The following HEY2 variants were observed in gnomAD, a reference collection of about 807,000 sequenced individuals.
HEY2 encodes the protein hairy/enhancer-of-split related with YRPW motif protein 2.
HEY2 carries 10 observed loss-of-function variants against 18.1 expected under a neutral mutation model. That is an observed-to-expected ratio of 0.55 (90% CI 0.34 to 0.94). The LOEUF is 0.94. HEY2 is among the 40% of genes least tolerant of loss of function. The pLI is 0.02. For missense variants in HEY2, 455 were observed against 455.9 expected (o/e 1.00, Z 0.02); for synonymous variants, 210 against 182.7 (o/e 1.15, Z -1.21).
At chr6:125,755,994 T>C (rs1281092786) in intron 4 of HEY2, among the ~76,000 whole-genome samples, 1 of 152,210 alleles carries the variant, frequency 6.6e-6, no homozygotes, top group Non-Finnish European at 1.5e-5. Flanking sequence ...GAAAATTTGT[T>C]TGATTGCTTT....
At chr6:125,750,500 AG>A (rs1397492745) in intron 1 of HEY2, 2 of 705,404 alleles carry the variant, frequency 2.8e-6, no homozygotes, top group African/African-American at 3.8e-5. Flanking sequence ...GAGATTACCG[AG>A]GCATTTTAGA....
intron 3 of HEY2, among the ~76,000 whole-genome samples, chr6:125,754,081 C>T (rs943937408): frequency 3.3e-5 from 5 of 152,118 alleles, no homozygotes; most frequent in African/African-American, 9.7e-5. Flanking sequence ...TAGACTTTGG[C>T]TTTATAGAAG....
At chr6:125,752,794 G>A (rs1583188275) in intron 3 of HEY2, among the ~76,000 whole-genome samples, 1 of 152,192 alleles carries the variant, frequency 6.6e-6, no homozygotes, top group South Asian at 2.1e-4. Context: ...TCCCCCTGCC[G>A]CAGTGGTTAA....
In HEY2 at chr6:125,759,714, T is replaced by C; in HGVS notation, c.926T>C (p.Val309Ala). ...ACAGCCATCAGCCCGCCCTTGTCAGTATCAGCCACGTCCAGTCCTCAGCAG... is the reference window on the plus strand; with the variant it reads ...ACAGCCATCAGCCCGCCCTTGTCAGCATCAGCCACGTCCAGTCCTCAGCAG... ...AATAISPPLSVSATSSPQQTS... is the reference protein window; with the variant it reads ...AATAISPPLSASATSSPQQTS... The change falls in exon 5 of 5, where the codon GTA becomes GCA. Residue 309 changes from valine (V) to alanine (A), a missense_variant. By Grantham distance (64) the Val-to-Ala change is moderately conservative. Transcript: ENST00000368364. 6.2e-7 allele frequency: 1 copy of C among 1,613,456 alleles called. No homozygotes were observed. Among genetic ancestry groups the C allele is most frequent in the East Asian group, 2.2e-5 (1 of 44,884 alleles).
chr6:125,754,668 G>A (rs1443444334), intron 4 of HEY2, 122 bp downstream of exon 4: 3 of 477,554 alleles, frequency 6.3e-6, no homozygotes, highest in Non-Finnish European at 1.1e-5. Context: ...TGAGATAGGA[G>A]GCCCCAGATT....
In HEY2 at chr6:125,760,242, T is replaced by G; in HGVS notation, c.*440T>G. On this transcript the variant is annotated 3_prime_UTR_variant, in exon 5 of 5. Transcript: ENST00000368364. ...GAAGTTTTCTTCTGGATATATAACATTGCACAAGGGAAGACGAGTGTGGAG... is the reference window on the plus strand; with the variant it reads ...GAAGTTTTCTTCTGGATATATAACAGTGCACAAGGGAAGACGAGTGTGGAG... The G allele has an allele frequency of 6.0e-6, 1 of 167,136 alleles. No homozygotes were observed. The highest frequency in any genetic ancestry group is 1.3e-5 in the Non-Finnish European group (1 of 76,738). The allele number at this position is 167,136 out of a possible 1,614,324, so 10.4% of individuals were successfully genotyped here.
chr6:125,750,061 G>C (rs1183104696), intron 1 of HEY2, among the ~76,000 whole-genome samples: 1 of 152,194 alleles, frequency 6.6e-6, no homozygotes, highest in Non-Finnish European at 1.5e-5. Context: ...TCACCGTAGG[G>C]GTGGAGTAGC....
rs149866534 is a variant in HEY2 at position 125,751,353 on chromosome 6, C to T, written c.84-448C>T. Among the ~76,000 whole-genome samples, 9 of 152,334 alleles carry T rather than the reference C, an allele frequency of 5.9e-5. No individual in the cohort carries two copies. In the East Asian group the frequency reaches 1.3e-3, roughly 23 times the overall value. ...GAGACAAGAGTTTGACGTATGACGA[C>T]TGCACATCTGTTTGATAGTGGTGCT... On this transcript the variant is annotated intron_variant, in intron 1 of 4. Transcript: ENST00000368364.
rs1773779146 is a variant in HEY2 at position 125,760,545 on chromosome 6, A to C, written c.*743A>C. On this transcript the variant is annotated 3_prime_UTR_variant, in exon 5 of 5. Transcript: ENST00000368364. ...CTGCTCTGCCTGCAGGCCCCCAGGC[A>C]CTTTTTTTTTTGGATGGCTCAAAAT... 1 of 151,694 alleles carries C rather than the reference A, an allele frequency of 6.6e-6. No individual in the cohort carries two copies. The highest frequency in any genetic ancestry group is 6.6e-5 in the Admixed American group (1 of 15,228). 9.4% of individuals were successfully genotyped at this position (151,694 alleles called of 1,614,324 possible).
rs374306977 is a variant in HEY2, at chr6:125,759,316, C to G, written c.528C>G (p.His176Gln). ...AAAMTSSMAH[H>Q]HHPLHPHHWA... ...CCATGACATCCTCCATGGCCCACCA[C>G]CATCATCCGCTCCACCCGCATCACT... The change falls in exon 5 of 5, where the codon CAC becomes CAG. Residue 176 changes from histidine (H) to glutamine (Q), a missense_variant. By Grantham distance (24) the His-to-Gln change is conservative. Transcript: ENST00000368364. 6.2e-7 allele frequency: 1 copy of G among 1,605,748 alleles called. No individual in the cohort carries two copies.
chr6:125,754,878 A>G (rs1773625360), intron 4 of HEY2, among the ~76,000 whole-genome samples: 1 of 152,184 alleles, frequency 6.6e-6, no homozygotes, highest in East Asian at 1.9e-4. Context: ...AACAAAAAAC[A>G]AACACACAAA....
At position 125,754,621 on chromosome 6, in the gene HEY2, T is replaced by A. The variant is rs537192271; in HGVS notation, c.328+75T>A. 3 of 754,208 alleles carry A rather than the reference T, an allele frequency of 4.0e-6. No individual in the cohort carries two copies. In the East Asian group the frequency reaches 8.0e-5, roughly 20 times the overall value. 46.7% of individuals were successfully genotyped at this position (754,208 alleles called of 1,614,324 possible). ...CTTTTCATGTTATTCCCCCTAATATTGTAAGGAAGTCATAGCTGAACAGTT... is the reference window on the plus strand; with the variant it reads ...CTTTTCATGTTATTCCCCCTAATATAGTAAGGAAGTCATAGCTGAACAGTT... On this transcript the variant is annotated intron_variant, in intron 4 of 4. Transcript: ENST00000368364.
At chr6:125,749,892 C>G in intron 1 of HEY2, 33 bp downstream of exon 1, 2 of 1,522,890 alleles carry the variant, frequency 1.3e-6, no homozygotes, top group Non-Finnish European at 1.8e-6. Flanking sequence ...CGGCCCGCAG[C>G]TCGGGAGCTT....
intron 4 of HEY2, among the ~76,000 whole-genome samples, chr6:125,756,235 C>T (rs7748729): frequency 0.55 from 83,498 of 151,960 alleles, 23,220 homozygotes; most frequent in East Asian, 0.75. Context: ...GACTGTCAGG[C>T]CATTGAAGAG....
At chr6:125,751,168 A>AT (rs762420046) in intron 1 of HEY2, among the ~76,000 whole-genome samples, 6 of 152,200 alleles carry the variant, frequency 3.9e-5, no homozygotes, top group Non-Finnish European at 7.4e-5. Context: ...TAGTAATAAA[A>AT]TGAGTTTTAA....
In HEY2 at chr6:125,759,786, A is replaced by G. The variant is rs1222079412; in HGVS notation, c.998A>G (p.Glu333Gly). The G allele has an allele frequency of 1.9e-6, 3 of 1,613,314 alleles. No homozygotes were observed. Among genetic ancestry groups the G allele is most frequent in the Non-Finnish European group, 2.5e-6 (3 of 1,179,878 alleles). Residue 333 changes from glutamate (E) to glycine (G), a missense_variant, in exon 5 of 5, where the codon GAA (glutamate) becomes GGA (glycine). Physicochemically the swap from Glu to Gly is moderately conservative, Grantham distance 98 (BLOSUM62 -2). Transcript: ENST00000368364. ...AAACCTTACCGACCCTGGGGGACAG[A>G]AGTTGGAGCTTTTTAAATTTTTCTT... ...NNKPYRPWGTEVGAF is the reference protein window; with the variant it reads ...NNKPYRPWGTGVGAF
At chr6:125,754,683 C>T (rs779854501) in intron 4 of HEY2, 137 bp downstream of exon 4, 15 of 445,896 alleles carry the variant, frequency 3.4e-5, no homozygotes, top group African/African-American at 8.1e-5. Flanking sequence ...CAGATTAAAG[C>T]CATGGAAATC....
At chr6:125,753,925 A>G (rs768276658) in intron 3 of HEY2, among the ~76,000 whole-genome samples, 4 of 152,198 alleles carry the variant, frequency 2.6e-5, no homozygotes, top group Middle Eastern at 3.2e-3. Flanking sequence ...TGCAGATCCA[A>G]TTATATGGTT....
Position 125,759,966 on chromosome 6 carries a change from T to A in HEY2, c.*164T>A. The A allele has an allele frequency of 1.5e-6, 1 of 653,392 alleles. No homozygotes were observed. Among genetic ancestry groups the A allele is most frequent in the Non-Finnish European group, 2.6e-6 (1 of 390,038 alleles). 40.5% of individuals were successfully genotyped at this position (653,392 alleles called of 1,614,324 possible). A position where few individuals can be genotyped will look rare whatever the true frequency, so the allele number is the denominator to read the frequency against. ...TCACGAGTGGAAATGTGGTATTCTCTTTTTTTTCTCTCCCTTTTTTGTTTG... is the reference window on the plus strand; with the variant it reads ...TCACGAGTGGAAATGTGGTATTCTCATTTTTTTCTCTCCCTTTTTTGTTTG... On this transcript the variant is annotated 3_prime_UTR_variant, in exon 5 of 5. Transcript: ENST00000368364.
Sources: allele counts gnomAD v4.1 joint callset (sites outside exome capture counted in the v4.1 genomes callset), GRCh38; gene constraint gnomAD v4.1.1; transcripts MANE v1.5; gene names NCBI Gene and HGNC (gene_info 2026-07-23, HGNC 2026-07-21).